ANK2: variants seen among roughly 807,000 people sequenced by gnomAD.
ANK2 encodes the protein ankyrin 2.
In ANK2, 83 loss-of-function variants were observed where a neutral mutation model predicts 360.5. The ratio of observed to expected loss-of-function variants is 0.23; its 90% CI spans 0.19 to 0.28. The LOEUF is 0.28. ANK2 is among the 10% of genes least tolerant of loss of function. The pLI, the probability that ANK2 is intolerant of heterozygous loss-of-function variation, is 1.00. For synonymous variants in ANK2, 1,740 were observed against 1,759.5 expected, an observed-to-expected ratio of 0.99 and a Z score of 0.28; for missense variants, 4,201 against 4,795.7, an observed-to-expected ratio of 0.88 and a Z score of 3.66.
the ANK2 span, among the ~76,000 whole-genome samples, chr4:112,793,351 T>TTCTTTAAGAAATTAAAACC: frequency 2.0e-5 from 3 of 152,120 alleles, no homozygotes; most frequent in Non-Finnish European, 4.4e-5. Flanking sequence ...AAATTAAGGT[T>TTCTTTAAGAAATTAAAACC]TTAATGTGAA....
At chr4:113,053,974 A>G (rs1235231124) in intron 1 of ANK2, among the ~76,000 whole-genome samples, 1 of 152,162 alleles carries the variant, frequency 6.6e-6, no homozygotes, top group Non-Finnish European at 1.5e-5. Flanking sequence ...ACACTTTCCA[A>G]TTTTGTAGCA....
At chr4:113,237,574 T>G in intron 6 of ANK2, 25 bp from the exon 7 acceptor site, 1 of 1,602,276 alleles carries the variant, frequency 6.2e-7, no homozygotes. Flanking sequence ...ATCTTCCCTC[T>G]TTCTTCCAAA....
intron 1 of ANK2, among the ~76,000 whole-genome samples, chr4:113,156,761 A>G (rs2097314195): frequency 6.8e-6 from 1 of 146,086 alleles, no homozygotes. Context: ...GTTTTCTTTT[A>G]TAGTCATTTT....
intron 1 of ANK2, among the ~76,000 whole-genome samples, chr4:113,153,280 G>A (rs1322878255): frequency 1.3e-5 from 2 of 152,138 alleles, no homozygotes; most frequent in South Asian, 4.1e-4. Context: ...TAGAACTAGA[G>A]CTGAAGTACC....
chr4:113,216,112 A>T (rs1308278583), intron 4 of ANK2, among the ~76,000 whole-genome samples: 1 of 152,210 alleles, frequency 6.6e-6, no homozygotes, highest in African/African-American at 2.4e-5. Context: ...ACCTTACACT[A>T]GGAGCAAGCA....
intron 27 of ANK2, among the ~76,000 whole-genome samples, chr4:113,331,261 TA>T: frequency 6.6e-6 from 1 of 152,340 alleles, no homozygotes; most frequent in Non-Finnish European, 1.5e-5. Context: ...AAAATCCTAA[TA>T]ATCGTGAACT....
chr4:112,824,342 G>A (rs1253698737), intron 1 of ANK2, among the ~76,000 whole-genome samples: 1 of 151,994 alleles, frequency 6.6e-6, no homozygotes, highest in Non-Finnish European at 1.5e-5. Flanking sequence ...AGAGTGACAG[G>A]ACTACAACCA....
At chr4:112,897,219 C>G (rs1339970761) in intron 1 of ANK2, among the ~76,000 whole-genome samples, 1 of 152,138 alleles carries the variant, frequency 6.6e-6, no homozygotes, top group Non-Finnish European at 1.5e-5. Context: ...AGCTTCTGGT[C>G]CCCCATGACA....
chr4:112,742,981 C>T, the ANK2 span, among the ~76,000 whole-genome samples: 2 of 152,170 alleles, frequency 1.3e-5, no homozygotes, highest in Non-Finnish European at 2.9e-5. Flanking sequence ...TGAGATCCGT[C>T]AGGACTACCA....
intron 1 of ANK2, among the ~76,000 whole-genome samples, chr4:112,866,818 A>G (rs913095369): frequency 8.6e-5 from 13 of 152,046 alleles, no homozygotes; most frequent in Non-Finnish European, 2.9e-5. Context: ...CTTTTCTCTC[A>G]TAATTCCGCA....
intron 8 of ANK2, among the ~76,000 whole-genome samples, chr4:113,241,900 T>C (rs2040157947): frequency 6.6e-6 from 1 of 152,228 alleles, no homozygotes; most frequent in Admixed American, 6.5e-5. Flanking sequence ...AACTTAGTTA[T>C]GCAGTTTCAT....
At chr4:112,970,918 C>A (rs1035305351) in intron 2 of ANK2, among the ~76,000 whole-genome samples, 34 of 151,976 alleles carry the variant, frequency 2.2e-4, no homozygotes, top group Non-Finnish European at 8.8e-5. Context: ...AGCCATTCCA[C>A]AATGCATAAT....
the ANK2 span, among the ~76,000 whole-genome samples, chr4:112,784,680 C>T: frequency 6.6e-6 from 1 of 152,138 alleles, no homozygotes; most frequent in African/African-American, 2.4e-5. Context: ...AGCAATCTGC[C>T]CACCTTAGCC....
intron 1 of ANK2, among the ~76,000 whole-genome samples, chr4:112,861,869 A>G (rs895762): frequency 0.019 from 1,332 of 69,222 alleles, 12 homozygotes; most frequent in African/African-American, 0.046. Flanking sequence ...GAGAGAGAGA[A>G]ACTCTCACAG....
intron 2 of ANK2, among the ~76,000 whole-genome samples, chr4:113,040,929 A>G (rs1027785427): frequency 1.3e-5 from 2 of 152,014 alleles, no homozygotes; most frequent in African/African-American, 2.4e-5. Context: ...GACTTTTGTG[A>G]TGATGAGGTC....
At chr4:112,791,378 A>G in the ANK2 span, among the ~76,000 whole-genome samples, 1 of 152,172 alleles carries the variant, frequency 6.6e-6, no homozygotes, top group African/African-American at 2.4e-5. Context: ...ATATTCGTAA[A>G]AAGGTTTCAC....
intron 2 of ANK2, among the ~76,000 whole-genome samples, chr4:113,020,321 G>C (rs2057722438): frequency 6.6e-6 from 1 of 151,938 alleles, no homozygotes; most frequent in Non-Finnish European, 1.5e-5. Flanking sequence ...CTAGTAGCTG[G>C]GAGTACAGGC....
upstream of ANK2, among the ~76,000 whole-genome samples, chr4:113,047,406 G>A (rs2064865441): frequency 6.6e-6 from 1 of 152,178 alleles, no homozygotes; most frequent in Non-Finnish European, 1.5e-5. Flanking sequence ...ATCCACAGTA[G>A]TTAGCACAAT....
chr4:113,097,878 A>ATG lies in ANK2; in HGVS notation c.84+48066_84+48067insTG, dbSNP rs1319473192. On this transcript the variant is annotated intron_variant, in intron 1 of 45. Coordinates refer to ENST00000357077, the MANE Select transcript of ANK2 (RefSeq NM_001148.6). ...TGTGTGTGTGTGTGTATATATATGC[A>ATG]CACACACACACACGCACACACACAT... is the stretch of plus-strand genomic sequence containing the variant. 6.1e-4 allele frequency among the ~76,000 whole-genome samples: 59 copies of ATG among 97,282 alleles called. 1 individual carries two copies. The highest frequency in any genetic ancestry group is 9.2e-4 in the Non-Finnish European group (47 of 51,116). The allele number at this position is 97,282 out of a possible 152,430, so 63.8% of individuals were successfully genotyped here.
Sources: gnomAD v4.1 joint callset for allele counts (sites outside exome capture counted in the v4.1 genomes callset) on GRCh38, gnomAD v4.1.1 for gene constraint, MANE v1.5 for transcripts, NCBI Gene and HGNC (gene_info 2026-07-23, HGNC 2026-07-21) for gene names.